The following FAM20C variants were observed in gnomAD, a reference collection of about 807,000 sequenced individuals.
FAM20C encodes extracellular serine/threonine protein kinase FAM20C.
A neutral mutation model predicts 51.5 loss-of-function variants in FAM20C; 40 were observed. That is an observed-to-expected ratio of 0.78 (90% CI 0.60 to 1.01). The LOEUF (loss-of-function observed/expected upper bound fraction) is 1.01, where lower values mean the gene tolerates loss of function less well. Ranked by LOEUF, FAM20C falls within the 50% of genes least tolerant of loss-of-function variation. FAM20C has a pLI of 0.00. For synonymous variants in FAM20C, 406 were observed against 380.6 expected (o/e 1.07, Z -0.78); for missense variants, 861 against 844.7 (o/e 1.02, Z -0.24).
intron 3 of FAM20C, among the ~76,000 whole-genome samples, chr7:224,081 G>T (rs926136462): frequency 0.022 from 3,128 of 140,962 alleles, 70 homozygotes; most frequent in Non-Finnish European, 0.031. Flanking sequence ...TCACAGGGTC[G>T]CACGGCGGCT....
At chr7:204,794 T>A (rs1191566155) in intron 2 of FAM20C, among the ~76,000 whole-genome samples, 6 of 152,136 alleles carry the variant, frequency 3.9e-5, no homozygotes, top group Non-Finnish European at 1.5e-5. Flanking sequence ...AATGTGGCAC[T>A]CGTGTGGCCT....
rs148102562 is a variant in FAM20C, at chr7:258,413, T to C, written c.1446-233T>C. On this transcript the variant is annotated intron_variant, in intron 8 of 9. Transcript: ENST00000313766. ...CACTGCCCGGGATGCTGGAGATGGG[T>C]GGGGTGGACCCACTGCCTGGGGTGC... Among the ~76,000 whole-genome samples the C allele has an allele frequency of 0.13, 3,914 of 30,084 alleles. 213 individuals are homozygous for C. The highest frequency in any genetic ancestry group is 0.25 in the Middle Eastern group (14 of 56). 19.7% of individuals were successfully genotyped at this position (30,084 alleles called of 152,430 possible).
chr7:255,296 C>T (rs1218091900), intron 5 of FAM20C, among the ~76,000 whole-genome samples: 4 of 152,210 alleles, frequency 2.6e-5, no homozygotes, highest in Admixed American at 6.5e-5. Context: ...TGGTGCCTCA[C>T]CGTGGCTTTG....
chr7:214,578 G>T (rs1031424898), intron 3 of FAM20C, among the ~76,000 whole-genome samples: 1 of 152,184 alleles, frequency 6.6e-6, no homozygotes, highest in African/African-American at 2.4e-5. Flanking sequence ...ACAGAGCGAC[G>T]GGCCTGGCGT....
At chr7:223,578 G>A (rs909638521) in intron 3 of FAM20C, among the ~76,000 whole-genome samples, 1 of 152,190 alleles carries the variant, frequency 6.6e-6, no homozygotes, top group African/African-American at 2.4e-5. Flanking sequence ...TGCAAGTGAC[G>A]TCTGCAGCCG....
intron 2 of FAM20C, among the ~76,000 whole-genome samples, 180 bp from the exon 3 acceptor site, chr7:208,718 G>A (rs1368913497): frequency 2.0e-5 from 3 of 152,156 alleles, no homozygotes; most frequent in Non-Finnish European, 2.9e-5. Context: ...TGAATATCAG[G>A]CAGAGAATCC....
intron 3 of FAM20C, among the ~76,000 whole-genome samples, chr7:218,040 A>C (rs1227233739): frequency 6.6e-6 from 1 of 152,110 alleles, no homozygotes; most frequent in Non-Finnish European, 1.5e-5. Flanking sequence ...GTGTGAGGCC[A>C]GGAGTGGTGG....
chr7:250,680 C>T (rs1303430779), intron 5 of FAM20C, among the ~76,000 whole-genome samples: 1 of 152,192 alleles, frequency 6.6e-6, no homozygotes, highest in African/African-American at 2.4e-5. Context: ...ACCGCACTGT[C>T]CAGCCACCGC....
At position 193,662 on chromosome 7, in the gene FAM20C, G is replaced by A. The variant is rs1172053400; in HGVS notation, c.463G>A (p.Gly155Ser). The change falls in exon 1 of 10, where the codon GGC (glycine) becomes AGC (serine). Residue 155 changes from glycine (G) to serine (S), a missense_variant. Transcript: ENST00000313766. ...PRRSESPPGP[G>S]GDASLLARLF... ...TCGGTCCGAGTCGCCCCCCGGCCCC[G>A]GCGGAGACGCCTCCCTCCTGGCCAG... 9 of 1,537,444 alleles carry A rather than the reference G, an allele frequency of 5.9e-6. No individual in the cohort carries two copies. The highest frequency in any genetic ancestry group is 2.4e-5 in the South Asian group (2 of 82,902).
chr7:228,457 C>T (rs1264093349), intron 3 of FAM20C: 2 of 456,160 alleles, frequency 4.4e-6, no homozygotes, highest in Admixed American at 2.3e-5. Context: ...GCTGGTGTCA[C>T]GGCTCAGTGT....
At chr7:254,226 C>T (rs995688479) in intron 5 of FAM20C, among the ~76,000 whole-genome samples, 2 of 152,204 alleles carry the variant, frequency 1.3e-5, no homozygotes, top group Non-Finnish European at 1.5e-5. Flanking sequence ...CAGCCGGGAC[C>T]GGCCACCCTC....
At position 216,612 on chromosome 7, in the gene FAM20C, TGTGTGTATGA is replaced by T. The variant is rs1390725691; in HGVS notation, c.863+7643_863+7652del. 8.0e-4 allele frequency among the ~76,000 whole-genome samples: 102 copies of T among 127,440 alleles called. 1 individual carries two copies. The highest frequency in any genetic ancestry group is 4.5e-3 in the East Asian group (14 of 3,146). 83.6% of individuals were successfully genotyped at this position (127,440 alleles called of 152,430 possible). A position where few individuals can be genotyped will look rare whatever the true frequency, so the allele number is the denominator to read the frequency against. ...TTTCCAGCCTGGGAGTTTCTGTGTG[TGTGTGTATGA>T]GTGTGTGTGAGTGTGTGTGAGTGTG... On this transcript the variant is annotated intron_variant, in intron 3 of 9. Coordinates refer to ENST00000313766, the MANE Select transcript of FAM20C (RefSeq NM_020223.4).
intron 3 of FAM20C, among the ~76,000 whole-genome samples, chr7:244,375 C>T (rs981559307): frequency 6.6e-6 from 1 of 152,200 alleles, no homozygotes; most frequent in Non-Finnish European, 1.5e-5. Flanking sequence ...AAATATCCAA[C>T]ACTCCAGAAT....
intron 6 of FAM20C, 40 bp downstream of exon 6, chr7:256,069 C>G (rs1024818745): frequency 6.6e-7 from 1 of 1,526,248 alleles, no homozygotes; most frequent in Non-Finnish European, 8.8e-7. Context: ...GGCCACCCTA[C>G]GGCAGAGGGA....
At chr7:212,540 G>A (rs1029127236) in intron 3 of FAM20C, among the ~76,000 whole-genome samples, 2 of 152,088 alleles carry the variant, frequency 1.3e-5, no homozygotes, top group East Asian at 1.9e-4. Context: ...GTACAACGTC[G>A]TGAATTAGAG....
intron 3 of FAM20C, among the ~76,000 whole-genome samples, chr7:231,314 A>T (rs1189120036): frequency 6.6e-6 from 1 of 152,118 alleles, no homozygotes; most frequent in African/African-American, 2.4e-5. Context: ...GTCGACTGAC[A>T]CTTTGGTGGT....
chr7:211,115 C>G (rs1786686724), intron 3 of FAM20C, among the ~76,000 whole-genome samples: 1 of 147,768 alleles, frequency 6.8e-6, no homozygotes, highest in African/African-American at 2.5e-5. Context: ...CCTCCCCCAG[C>G]CTTCTCCCTT....
At chr7:201,965 G>A (rs1344258894) in intron 2 of FAM20C, among the ~76,000 whole-genome samples, 2 of 152,226 alleles carry the variant, frequency 1.3e-5, no homozygotes, top group African/African-American at 4.8e-5. Flanking sequence ...AACTAGTGAC[G>A]TAGATTAATA....
At position 257,091 on chromosome 7, in the gene FAM20C, G is replaced by A. The variant is rs770356257; in HGVS notation, c.1445+5G>A. On this transcript the variant is annotated splice_donor_5th_base_variant and intron_variant, in intron 8 of 9. Coordinates refer to ENST00000313766, the MANE Select transcript of FAM20C (RefSeq NM_020223.4). ...CCACTTAGACAATGGAAGAGGGTGA[G>A]CCTGTCCTCGCCCCTGCACACCCAG... is the stretch of plus-strand genomic sequence containing the variant. The A allele has an allele frequency of 6.5e-7, 1 of 1,536,838 alleles. No homozygotes were observed. Among genetic ancestry groups the A allele is most frequent in the Non-Finnish European group, 8.7e-7 (1 of 1,146,814 alleles).
Sources: gnomAD v4.1 joint callset for allele counts (sites outside exome capture counted in the v4.1 genomes callset) on GRCh38, gnomAD v4.1.1 for gene constraint, MANE v1.5 for transcripts, NCBI Gene and HGNC (gene_info 2026-07-23, HGNC 2026-07-21) for gene names.